The following PLCB1 variants were observed in gnomAD, a reference collection of about 807,000 sequenced individuals.
PLCB1 encodes phospholipase C beta 1.
A neutral mutation model predicts 161.8 loss-of-function variants in PLCB1; 46 were observed. The observed-to-expected ratio is 0.28, with a 90% confidence interval of 0.22 to 0.36. PLCB1 has a LOEUF of 0.36. Among genes scored for constraint, PLCB1 ranks in the 10% least tolerant of loss-of-function variants. The pLI is 1.00. For missense variants in PLCB1, 1,016 were observed against 1,472.5 expected, an observed-to-expected ratio of 0.69 and a Z score of 5.07; for synonymous variants, 517 against 503.7, an observed-to-expected ratio of 1.03 and a Z score of -0.35.
intron 2 of PLCB1, among the ~76,000 whole-genome samples, chr20:8,182,166 A>G (rs1465715047): frequency 6.6e-6 from 1 of 152,220 alleles, no homozygotes; most frequent in Non-Finnish European, 1.5e-5. Flanking sequence ...ATTCTAGCAG[A>G]TATAAAACCA....
intron 3 of PLCB1, among the ~76,000 whole-genome samples, chr20:8,586,887 G>A (rs1297438261): frequency 1.3e-5 from 2 of 152,108 alleles, no homozygotes; most frequent in Admixed American, 6.6e-5. Context: ...AGCTACTAAA[G>A]CTGGGGCCCT....
chr20:8,587,480 T>A (rs1209170168), intron 3 of PLCB1, among the ~76,000 whole-genome samples: 1 of 152,168 alleles, frequency 6.6e-6, no homozygotes, highest in Non-Finnish European at 1.5e-5. Context: ...GGGGACTTCA[T>A]GTCATTCCAA....
intron 27 of PLCB1, among the ~76,000 whole-genome samples, chr20:8,780,155 G>T (rs1983140978): frequency 6.6e-6 from 1 of 152,138 alleles, no homozygotes; most frequent in African/African-American, 2.4e-5. Context: ...TACCATTAGG[G>T]TGAGGTTTTA....
chr20:8,385,989 T>C (rs936273216), intron 3 of PLCB1, among the ~76,000 whole-genome samples: 1 of 152,248 alleles, frequency 6.6e-6, no homozygotes, highest in Non-Finnish European at 1.5e-5. Flanking sequence ...AGTTTTATTA[T>C]AAGATTGCAG....
rs888798255 is a variant in PLCB1 at position 8,363,703 on chromosome 20, G to A, written c.178-7679G>A. On this transcript the variant is annotated intron_variant, in intron 2 of 31. Transcript: ENST00000338037. The stretch of plus-strand genomic sequence containing the variant: ...ACTCAGAGGGAGGGGATTACACAAA[G>A]GCATGGAAACCAGGAGACCCACATG... 2.0e-5 allele frequency among the ~76,000 whole-genome samples: 3 copies of A among 152,158 alleles called. No individual in the cohort carries two copies. In the South Asian group the frequency reaches 6.2e-4, roughly 32 times the overall value.
chr20:8,716,525 C>T (rs1979320746), intron 13 of PLCB1, among the ~76,000 whole-genome samples, 177 bp downstream of exon 13: 1 of 152,190 alleles, frequency 6.6e-6, no homozygotes, highest in Non-Finnish European at 1.5e-5. Context: ...AGAGGAATGC[C>T]TCTGCACTCT....
chr20:8,241,480 T>C (rs1237719259), intron 2 of PLCB1, among the ~76,000 whole-genome samples: 1 of 151,962 alleles, frequency 6.6e-6, no homozygotes, highest in African/African-American at 2.4e-5. Context: ...TATGTCTTTG[T>C]AGTCACTTAA....
intron 1 of PLCB1, among the ~76,000 whole-genome samples, chr20:8,146,928 G>A (rs1479484150): frequency 2.0e-5 from 3 of 152,050 alleles, no homozygotes; most frequent in Non-Finnish European, 2.9e-5. Flanking sequence ...ATGTTTATTG[G>A]TTTTCTTTTT....
intron 3 of PLCB1, among the ~76,000 whole-genome samples, chr20:8,507,166 G>C (rs1316659339): frequency 6.6e-6 from 1 of 152,152 alleles, no homozygotes; most frequent in Non-Finnish European, 1.5e-5. Context: ...AAGTGGAAGT[G>C]GATCATCATA....
intron 2 of PLCB1, among the ~76,000 whole-genome samples, chr20:8,226,043 G>A (rs1257909379): frequency 6.6e-6 from 1 of 152,096 alleles, no homozygotes; most frequent in Non-Finnish European, 1.5e-5. Context: ...CATGGTAAGG[G>A]CCATCTTGTT....
intron 15 of PLCB1, among the ~76,000 whole-genome samples, chr20:8,724,011 C>T (rs982994989): frequency 7.4e-5 from 11 of 148,766 alleles, no homozygotes; most frequent in African/African-American, 2.5e-4. Context: ...TCTTAATTTA[C>T]GAATCCGATG....
At chr20:8,629,920 T>C (rs1988506091) in intron 4 of PLCB1, among the ~76,000 whole-genome samples, 1 of 150,064 alleles carries the variant, frequency 6.7e-6, no homozygotes, top group Non-Finnish European at 1.5e-5. Flanking sequence ...TTCCTTTCTT[T>C]CCTCTCTTCT....
At chr20:8,438,684 C>A (rs887521235) in intron 3 of PLCB1, among the ~76,000 whole-genome samples, 2 of 152,156 alleles carry the variant, frequency 1.3e-5, no homozygotes, top group East Asian at 3.9e-4. Flanking sequence ...GCCAAGTACC[C>A]CCTAGCTTTG....
chr20:8,387,682 C>A (rs920917118), intron 3 of PLCB1, among the ~76,000 whole-genome samples: 1 of 152,050 alleles, frequency 6.6e-6, no homozygotes, highest in Non-Finnish European at 1.5e-5. Context: ...CAACAAAAAA[C>A]CCCCACAATA....
chr20:8,195,812 T>C (rs1458846127), intron 2 of PLCB1, among the ~76,000 whole-genome samples: 3 of 152,160 alleles, frequency 2.0e-5, no homozygotes, highest in Non-Finnish European at 4.4e-5. Flanking sequence ...TCTTGATTTG[T>C]ATGATGTTTT....
At chr20:8,417,571 A>G (rs1207301416) in intron 3 of PLCB1, among the ~76,000 whole-genome samples, 1 of 152,124 alleles carries the variant, frequency 6.6e-6, no homozygotes, top group African/African-American at 2.4e-5. Context: ...TGAATAGAAC[A>G]TGTTCTCTCT....
chr20:8,496,031 C>G (rs1345792752), intron 3 of PLCB1, among the ~76,000 whole-genome samples: 1 of 152,212 alleles, frequency 6.6e-6, no homozygotes, highest in African/African-American at 2.4e-5. Flanking sequence ...CATAACAGAG[C>G]ATAGACATTG....
intron 2 of PLCB1, among the ~76,000 whole-genome samples, chr20:8,179,466 G>A (rs1318356631): frequency 3.9e-5 from 6 of 152,088 alleles, no homozygotes; most frequent in South Asian, 2.1e-4. Flanking sequence ...AAATGCTACC[G>A]AATTTCATAC....
chr20:8,884,721 A>G lies in PLCB1; in HGVS notation c.*2872A>G, dbSNP rs181420228. On this transcript the variant is annotated 3_prime_UTR_variant, in exon 32 of 32. Coordinates refer to ENST00000338037, the MANE Select transcript of PLCB1 (RefSeq NM_015192.4). ...TAAGAAGAAAAAAAAGATAGGACAA[A>G]GTATTTGAAGCTCTTAAAATGTACA... 253 of 152,756 alleles carry G rather than the reference A, an allele frequency of 1.7e-3. No individual in the cohort carries two copies. Among genetic ancestry groups the G allele is most frequent in the Middle Eastern group, 6.8e-3 (2 of 294 alleles). The allele number at this position is 152,756 out of a possible 1,614,324, so 9.5% of individuals were successfully genotyped here. A position where few individuals can be genotyped will look rare whatever the true frequency, so the allele number is the denominator to read the frequency against.
Sources: allele counts gnomAD v4.1 joint callset (sites outside exome capture counted in the v4.1 genomes callset), GRCh38; gene constraint gnomAD v4.1.1; transcripts MANE v1.5; gene names NCBI Gene and HGNC (gene_info 2026-07-23, HGNC 2026-07-21).